The following CSMD3 variants were observed in gnomAD, a reference collection of about 807,000 sequenced individuals.
CSMD3 encodes the protein CUB and Sushi multiple domains 3.
CSMD3 carries 177 observed loss-of-function variants against 435.2 expected under a neutral mutation model. The observed-to-expected ratio is 0.41, with a 90% CI of 0.36 to 0.46. CSMD3 has a LOEUF of 0.46. CSMD3 is among the 20% of genes least tolerant of loss of function. CSMD3 has a pLI of 0.34. For missense variants in CSMD3, 4,265 were observed against 4,504.6 expected, an observed-to-expected ratio of 0.95 and a Z score of 1.52; for synonymous variants, 1,656 against 1,520.5, an observed-to-expected ratio of 1.09 and a Z score of -2.07.
chr8:112,781,047 T>C (rs984557092), intron 13 of CSMD3, among the ~76,000 whole-genome samples: 8 of 141,890 alleles, frequency 5.6e-5, no homozygotes, highest in Non-Finnish European at 1.2e-4. Flanking sequence ...TCCAGGAGAG[T>C]CTGTTGCTGC....
chr8:112,429,721 C>T (rs756369640), intron 32 of CSMD3, among the ~76,000 whole-genome samples: 11 of 151,992 alleles, frequency 7.2e-5, no homozygotes, highest in Non-Finnish European at 1.5e-4. Flanking sequence ...TTGAACTTTA[C>T]TAATATGCAG....
chr8:113,269,699 AG>A (rs200067954), intron 3 of CSMD3, among the ~76,000 whole-genome samples: 22,173 of 151,452 alleles, frequency 0.15, 3,066 homozygotes, highest in African/African-American at 0.36. Flanking sequence ...GACAAAAAAA[AG>A]AAGAAATGGG....
intron 3 of CSMD3, among the ~76,000 whole-genome samples, chr8:113,227,398 A>G (rs779758948): frequency 1.8e-4 from 28 of 151,616 alleles, no homozygotes; most frequent in Non-Finnish European, 3.2e-4. Context: ...AGAAATTAAG[A>G]TATTGAATCT....
rs560966097 is a variant in CSMD3 at position 113,409,257 on chromosome 8, AT to A, written c.178+27419del. Among the ~76,000 whole-genome samples the A allele has an allele frequency of 1.2e-4, 18 of 150,084 alleles. No individual in the cohort carries two copies. The South Asian group carries it at 3.8e-3, about 32-fold the overall frequency. Reference sequence around the variant, plus strand: ...ACCAGCATGCCTGGCTAATTTTTGTATTTTTTTAGTAGAGACAGGGTTTCAC... The same window carrying A: ...ACCAGCATGCCTGGCTAATTTTTGTATTTTTTAGTAGAGACAGGGTTTCAC... On this transcript the variant is annotated intron_variant, in intron 1 of 70. Transcript: ENST00000297405.
intron 5 of CSMD3, among the ~76,000 whole-genome samples, chr8:113,037,428 G>T (rs919124981): frequency 1.3e-5 from 2 of 151,898 alleles, no homozygotes; most frequent in Non-Finnish European, 2.9e-5. Flanking sequence ...CCTCTCAAAA[G>T]AATGTCTGAT....
chr8:112,480,800 A>G (rs1186983269), intron 31 of CSMD3, among the ~76,000 whole-genome samples: 1 of 152,172 alleles, frequency 6.6e-6, no homozygotes, highest in Non-Finnish European at 1.5e-5. Context: ...ACCCAGTTTC[A>G]GGTACTCCTT....
Position 112,656,369 on chromosome 8 carries a change from A to G in CSMD3, c.2817-28T>C, listed in dbSNP as rs113427728. On this transcript the variant is annotated intron_variant, in intron 17 of 70. Transcript: ENST00000297405. ...AAGATTAAAAGACACATGTGAAAAT[A>G]TATTTAGAATTAACACTATATATGG... 2.7e-3 allele frequency: 4,119 copies of G among 1,541,294 alleles called. 91 individuals are homozygous for G. In the African/African-American group the frequency reaches 0.049, roughly 18 times the overall value.
At position 112,809,980 on chromosome 8, in the gene CSMD3, G is replaced by A. The variant is rs199607538; in HGVS notation, c.1860-9706C>T. Among the ~76,000 whole-genome samples, 7 of 152,166 alleles carry A rather than the reference G, an allele frequency of 4.6e-5. No homozygotes were observed. The East Asian group carries it at 1.4e-3, about 30-fold the overall frequency. On this transcript the variant is annotated intron_variant, in intron 12 of 70. Transcript: ENST00000297405. ...AACAAGAAACAATTGAAACGCAGAT[G>A]GTCTGTATACATTGACTAATCTCTC...
chr8:113,290,820 A>G (rs1487600932), intron 2 of CSMD3, among the ~76,000 whole-genome samples: 2 of 151,564 alleles, frequency 1.3e-5, no homozygotes, highest in Non-Finnish European at 3.0e-5. Flanking sequence ...CAATTATTAT[A>G]CTATTTTAAA....
chr8:112,348,394 CT>C (rs773476318), intron 40 of CSMD3, among the ~76,000 whole-genome samples: 12 of 152,158 alleles, frequency 7.9e-5, no homozygotes, highest in Non-Finnish European at 1.8e-4. Context: ...ATCAAAATAT[CT>C]GGCAGATTGC....
chr8:112,439,885 A>G (rs761789306), intron 32 of CSMD3, among the ~76,000 whole-genome samples: 2 of 151,820 alleles, frequency 1.3e-5, no homozygotes, highest in African/African-American at 4.8e-5. Context: ...ACATGTGAAG[A>G]TTACAATCAG....
Position 113,366,220 on chromosome 8 carries a change from T to A in CSMD3, c.179-51427A>T, listed in dbSNP as rs79084798. Among the ~76,000 whole-genome samples the A allele has an allele frequency of 4.4e-3, 676 of 152,128 alleles. 2 individuals carry two copies. The highest frequency in any genetic ancestry group is 0.01 in the Middle Eastern group (3 of 294). On this transcript the variant is annotated intron_variant, in intron 1 of 70. Coordinates refer to ENST00000297405, the MANE Select transcript of CSMD3 (RefSeq NM_198123.2). Reference sequence around the variant, plus strand: ...GCTTCTATTTTTGCAGGAGACAGAATCTCTTTGTGCAGATTTCTGCTTCCA... The same window carrying A: ...GCTTCTATTTTTGCAGGAGACAGAAACTCTTTGTGCAGATTTCTGCTTCCA...
chr8:113,349,462 C>T (rs1461051218), intron 1 of CSMD3, among the ~76,000 whole-genome samples: 1 of 151,898 alleles, frequency 6.6e-6, no homozygotes, highest in Non-Finnish European at 1.5e-5. Flanking sequence ...TCAAGAATAT[C>T]TTACAGGAAT....
chr8:112,506,178 A>G (rs1822493303), intron 29 of CSMD3, among the ~76,000 whole-genome samples: 1 of 152,116 alleles, frequency 6.6e-6, no homozygotes, highest in South Asian at 2.1e-4. Flanking sequence ...ATTTACAATT[A>G]TGCTAAATTT....
At chr8:113,328,146 A>ATGAAAGATGGGGCCGGGCGCGGTGGCG (rs2093997758) in intron 1 of CSMD3, among the ~76,000 whole-genome samples, 2 of 152,120 alleles carry the variant, frequency 1.3e-5, no homozygotes, top group Non-Finnish European at 2.9e-5. Flanking sequence ...TTGGGATAAG[A>ATGAAAGATGGGGCCGGGCGCGGTGGCG]TGAAAGATGG....
intron 23 of CSMD3, among the ~76,000 whole-genome samples, chr8:112,580,784 C>CA (rs1474562749): frequency 6.6e-6 from 1 of 152,030 alleles, no homozygotes; most frequent in African/African-American, 2.4e-5. Flanking sequence ...GAGAGCTCAG[C>CA]AGCTGTTGCC....
chr8:112,854,814 T>A (rs2080599641), intron 11 of CSMD3, among the ~76,000 whole-genome samples: 1 of 152,120 alleles, frequency 6.6e-6, no homozygotes, highest in East Asian at 1.9e-4. Flanking sequence ...AGCAAAAACT[T>A]CACCTGAGGC....
intron 6 of CSMD3, among the ~76,000 whole-genome samples, chr8:112,995,442 T>C (rs1382913807): frequency 6.6e-6 from 1 of 151,528 alleles, no homozygotes; most frequent in East Asian, 1.9e-4. Context: ...CTAGCAACCA[T>C]AGTTCTAGTA....
chr8:113,243,820 T>A (rs976171358), intron 3 of CSMD3, among the ~76,000 whole-genome samples: 5 of 152,174 alleles, frequency 3.3e-5, no homozygotes, highest in African/African-American at 9.7e-5. Context: ...TGTGAAGTAG[T>A]CTCATTGTGG....
Sources: allele counts gnomAD v4.1 joint callset (sites outside exome capture counted in the v4.1 genomes callset), GRCh38; gene constraint gnomAD v4.1.1; transcripts MANE v1.5; gene names NCBI Gene and HGNC (gene_info 2026-07-23, HGNC 2026-07-21).